Variants in PPP3CA observed in about 807,000 individuals in gnomAD.
PPP3CA encodes the protein CAM-PRP catalytic subunit.
A neutral mutation model predicts 66.5 loss-of-function variants in PPP3CA; 14 were observed. The ratio of observed to expected loss-of-function variants is 0.21; its 90% confidence interval spans 0.14 to 0.33. The LOEUF (loss-of-function observed/expected upper bound fraction) is 0.33. PPP3CA is among the 10% of genes least tolerant of loss of function. PPP3CA has a pLI of 1.00. For synonymous variants in PPP3CA, 232 were observed against 226.2 expected, an observed-to-expected ratio of 1.03 and a Z score of -0.23; for missense variants, 317 against 639.5, an observed-to-expected ratio of 0.50 and a Z score of 5.44.
intron 2 of PPP3CA, among the ~76,000 whole-genome samples, chr4:101,129,301 G>A (rs552147693): frequency 3.9e-5 from 6 of 152,310 alleles, no homozygotes; most frequent in African/African-American, 1.2e-4. Flanking sequence ...CCTGGGGAAA[G>A]GGCAGCTGTG....
intron 2 of PPP3CA, among the ~76,000 whole-genome samples, chr4:101,170,743 C>G (rs1235631659): frequency 1.3e-5 from 2 of 152,100 alleles, no homozygotes; most frequent in Non-Finnish European, 2.9e-5. Context: ...TACCTTCACT[C>G]AAAAATTCTT....
intron 1 of PPP3CA, among the ~76,000 whole-genome samples, chr4:101,216,627 TC>T (rs1456354980): frequency 2.0e-5 from 3 of 152,066 alleles, no homozygotes; most frequent in African/African-American, 7.2e-5. Context: ...AGCCTTGACC[TC>T]CCCAGTGCAG....
chr4:101,205,542 C>T (rs905113938), intron 1 of PPP3CA, among the ~76,000 whole-genome samples: 8 of 151,066 alleles, frequency 5.3e-5, no homozygotes, highest in Non-Finnish European at 1.2e-4. Context: ...CTTCTTAGTC[C>T]TCAATCCTAA....
At chr4:101,029,043 AC>A (rs1726797955) in intron 13 of PPP3CA, 122 bp downstream of exon 13, 1 of 861,464 alleles carries the variant, frequency 1.2e-6, no homozygotes, top group East Asian at 2.6e-5. Context: ...TTTGGTTAAT[AC>A]TGAGCCACAA....
chr4:101,246,476 T>C (rs1326523179), intron 1 of PPP3CA, among the ~76,000 whole-genome samples: 1 of 152,174 alleles, frequency 6.6e-6, no homozygotes, highest in Non-Finnish European at 1.5e-5. Flanking sequence ...ACCACTGACA[T>C]CTATTTTCTA....
At chr4:101,297,454 G>A (rs1185911411) in intron 1 of PPP3CA, among the ~76,000 whole-genome samples, 1 of 152,148 alleles carries the variant, frequency 6.6e-6, no homozygotes, top group African/African-American at 2.4e-5. Context: ...AACCTATCCA[G>A]TGTAATGTTA....
At chr4:101,124,659 GAGACAGAA>G (rs1417730936) in intron 2 of PPP3CA, among the ~76,000 whole-genome samples, 2 of 109,622 alleles carry the variant, frequency 1.8e-5, no homozygotes. Flanking sequence ...GAGGGAGAGA[GAGACAGAA>G]AGAAAGAAAG....
At chr4:101,094,775 G>A (rs1244673118) in intron 5 of PPP3CA, among the ~76,000 whole-genome samples, 1 of 151,994 alleles carries the variant, frequency 6.6e-6, no homozygotes, top group Non-Finnish European at 1.5e-5. Context: ...AACATATCAC[G>A]ATCAATTTTA....
At chr4:101,138,671 G>A (rs1722699580) in intron 2 of PPP3CA, among the ~76,000 whole-genome samples, 1 of 152,156 alleles carries the variant, frequency 6.6e-6, no homozygotes, top group African/African-American at 2.4e-5. Flanking sequence ...CAAATTTTCA[G>A]ATTAGGGATG....
At chr4:101,302,233 T>G (rs901423366) in intron 1 of PPP3CA, among the ~76,000 whole-genome samples, 1 of 152,126 alleles carries the variant, frequency 6.6e-6, no homozygotes, top group Non-Finnish European at 1.5e-5. Flanking sequence ...AAGCATCAGC[T>G]CCCTCATTAG....
intron 1 of PPP3CA, among the ~76,000 whole-genome samples, chr4:101,278,140 T>TAATAAAAAAAAAAAAAAAAAAAAAAAA (rs1727568221): frequency 8.4e-6 from 1 of 118,736 alleles, no homozygotes; most frequent in African/African-American, 3.3e-5. Context: ...AAAAAAAAAA[T>TAATAAAAAAAAAAAAAAAAAAAAAAAA]AAAAAAATTA....
chr4:101,035,427 A>C (rs1205867820), intron 11 of PPP3CA, among the ~76,000 whole-genome samples: 2 of 152,172 alleles, frequency 1.3e-5, no homozygotes, highest in Non-Finnish European at 2.9e-5. Context: ...AATCTTCAAA[A>C]TTTTAATTTT....
At chr4:101,098,314 A>G in intron 5 of PPP3CA, 53 bp downstream of exon 5, 2 of 1,504,986 alleles carry the variant, frequency 1.3e-6, no homozygotes, top group Non-Finnish European at 1.8e-6. Context: ...AATGTCTTCT[A>G]TTTATTACTG....
chr4:101,276,221 G>A (rs561730531), intron 1 of PPP3CA, among the ~76,000 whole-genome samples: 5 of 151,960 alleles, frequency 3.3e-5, no homozygotes, highest in African/African-American at 1.2e-4. Flanking sequence ...TCGAGATTAC[G>A]GAAACCTGCC....
intron 1 of PPP3CA, among the ~76,000 whole-genome samples, chr4:101,212,829 T>C (rs1725339677): frequency 6.6e-6 from 1 of 152,062 alleles, no homozygotes; most frequent in South Asian, 2.1e-4. Context: ...TCTGGTTTAA[T>C]AGATGTTTTA....
intron 11 of PPP3CA, among the ~76,000 whole-genome samples, chr4:101,039,473 C>T (rs1401056927): frequency 6.9e-6 from 1 of 144,716 alleles, no homozygotes; most frequent in Admixed American, 6.9e-5. Flanking sequence ...CATTCAATAA[C>T]GGAAGGGAGC....
At chr4:101,205,418 GA>G (rs2110199810) in intron 1 of PPP3CA, among the ~76,000 whole-genome samples, 1 of 152,260 alleles carries the variant, frequency 6.6e-6, no homozygotes, top group South Asian at 2.1e-4. Context: ...AGTAAGACAT[GA>G]AATATAAGGA....
Position 101,024,557 on chromosome 4 carries a change from GA to G in PPP3CA, c.*1307del, listed in dbSNP as rs750277259. On this transcript the variant is annotated 3_prime_UTR_variant, in exon 14 of 14. Coordinates refer to ENST00000394854, the MANE Select transcript of PPP3CA (RefSeq NM_000944.5). Reference sequence around the variant, plus strand: ...GTAACCCGTAACTGATATACAAAGGGAAAAAAGTGAAAAAAGTACATATTTT... The same window carrying G: ...GTAACCCGTAACTGATATACAAAGGGAAAAAGTGAAAAAAGTACATATTTT... 2.0e-5 allele frequency: 3 copies of G among 152,312 alleles called. No homozygotes were observed. The highest frequency in any genetic ancestry group is 2.4e-5 in the African/African-American group (1 of 41,372). 9.4% of individuals were successfully genotyped at this position (152,312 alleles called of 1,614,324 possible).
At chr4:101,087,402 C>T (rs1729717786) in intron 6 of PPP3CA, among the ~76,000 whole-genome samples, 1 of 151,990 alleles carries the variant, frequency 6.6e-6, no homozygotes, top group Non-Finnish European at 1.5e-5. Context: ...AAGTGAACAC[C>T]CTTGGAACCT....
Sources: gnomAD v4.1 joint callset for allele counts (sites outside exome capture counted in the v4.1 genomes callset) on GRCh38, gnomAD v4.1.1 for gene constraint, MANE v1.5 for transcripts, NCBI Gene and HGNC (gene_info 2026-07-23, HGNC 2026-07-21) for gene names.